Variants in F7 observed in about 807,000 individuals in gnomAD.
F7 encodes FVII coagulation protein.
F7 carries 38 observed loss-of-function variants against 47.5 expected under a neutral mutation model. The observed-to-expected ratio is 0.80, with a 90% confidence interval of 0.62 to 1.05. F7 has a LOEUF of 1.05. Among genes scored for constraint, F7 ranks in the 50% least tolerant of loss-of-function variants. The pLI is 0.00. For synonymous variants in F7, 244 were observed against 258.5 expected (o/e 0.94, Z 0.54); for missense variants, 575 against 605.4 (o/e 0.95, Z 0.53).
rs1029001487 is a variant in F7, at chr13:113,119,232, A to C, written c.*224A>C. The C allele has an allele frequency of 6.8e-6, 4 of 590,678 alleles. No homozygotes were observed. In the East Asian group the frequency reaches 1.1e-4, roughly 17 times the overall value. The allele number at this position is 590,678 out of a possible 1,614,324, so 36.6% of individuals were successfully genotyped here. A position where few individuals can be genotyped will look rare whatever the true frequency, so the allele number is the denominator to read the frequency against. On this transcript the variant is annotated 3_prime_UTR_variant, in exon 8 of 8. Coordinates refer to ENST00000346342, the MANE Select transcript of F7 (RefSeq NM_019616.4). ...GAGACTCAAAGAGACTCCAAGATTC[A>C]AAGAGACTAATAGAGACACAGAGAT...
At chr13:113,106,011 T>C in intron 1 of F7, 106 bp downstream of exon 1, 3 of 987,444 alleles carry the variant, frequency 3.0e-6, no homozygotes, top group Non-Finnish European at 4.4e-6. Context: ...GACACCCCCA[T>C]CCACCAGGAG....
Position 113,118,201 on chromosome 13 carries a change from C to T in F7, c.740-212C>T, listed in dbSNP as rs544499363. 4.6e-5 allele frequency among the ~76,000 whole-genome samples: 7 copies of T among 152,332 alleles called. No homozygotes were observed. The South Asian group carries it at 1.4e-3, about 32-fold the overall frequency. ...CCTTCCCCACCTCAACACCCAGACC[C>T]CAGATTCACCCCAGTTCACTTGTCC... On this transcript the variant is annotated intron_variant, in intron 7 of 7. Coordinates refer to ENST00000346342, the MANE Select transcript of F7 (RefSeq NM_019616.4).
chr13:113,117,400 TGCCC>T, intron 6 of F7, 69 bp from the exon 7 acceptor site: 2 of 1,600,226 alleles, frequency 1.2e-6, no homozygotes, highest in Non-Finnish European at 1.7e-6. Context: ...TTCCTTGGCA[TGCCC>T]GGGAGGGCGA....
rs775527313 is a variant in F7, at chr13:113,118,844, C to T, written c.1171C>T (p.Arg391Trp). ...TGGAGGCCCACATGCCACCCACTACCGGGGCACGTGGTACCTGACGGGCAT... is the reference window on the plus strand; with the variant it reads ...TGGAGGCCCACATGCCACCCACTACTGGGGCACGTGGTACCTGACGGGCAT... ...DSGGPHATHY[R>W]GTWYLTGIVS... The change falls in exon 8 of 8, where the codon CGG becomes TGG. Residue 391 changes from arginine to tryptophan, a missense_variant. Arg to Trp is a moderately radical substitution (Grantham distance 101, BLOSUM62 -3). Transcript: ENST00000346342. The T allele has an allele frequency of 1.7e-5, 28 of 1,612,746 alleles. No homozygotes were observed. The highest frequency in any genetic ancestry group is 4.0e-5 in the African/African-American group (3 of 74,932).
Position 113,110,987 on chromosome 13 carries a change from C to T in F7, c.225+137C>T. 5 of 1,034,014 alleles carry T rather than the reference C, an allele frequency of 4.8e-6. No homozygotes were observed. In the South Asian group the frequency reaches 7.5e-5, roughly 15 times the overall value. 64.1% of individuals were successfully genotyped at this position (1,034,014 alleles called of 1,614,324 possible). A position where few individuals can be genotyped will look rare whatever the true frequency, so the allele number is the denominator to read the frequency against. On this transcript the variant is annotated intron_variant, in intron 2 of 7. Transcript: ENST00000346342. ...AGCGGCGCCCGCGCGGCGCTTTCTG[C>T]GGGGGTCGCTTTCCGCCCGGGGTGA...
intron 1 of F7, among the ~76,000 whole-genome samples, chr13:113,107,916 CA>C (rs1383667845): frequency 2.0e-4 from 18 of 90,328 alleles, no homozygotes; most frequent in African/African-American, 6.6e-4. Flanking sequence ...GTGAGTGTCC[CA>C]GGGGCGTGGG....
Position 113,113,742 on chromosome 13 carries a change from G to T in F7, c.226-10G>T, listed in dbSNP as rs941222732. ...TGCATCTCACGAGGCTTGCTCTCTT[G>T]TTCCTTCAGAAGCTGTTCTGGATTT... On this transcript the variant is annotated splice_polypyrimidine_tract_variant and intron_variant, in intron 2 of 7. Coordinates refer to ENST00000346342, the MANE Select transcript of F7 (RefSeq NM_019616.4). This position sits in a 1 kb window ranked among gnomAD's most constrained non-coding sequence, Gnocchi z 4.1. The T allele has an allele frequency of 1.9e-6, 3 of 1,613,990 alleles. No individual in the cohort carries two copies. In the African/African-American group the frequency reaches 4.0e-5, roughly 22 times the overall value.
chr13:113,117,999 G>A (rs144568037), intron 7 of F7, among the ~76,000 whole-genome samples: 333 of 152,342 alleles, frequency 2.2e-3, no homozygotes, highest in African/African-American at 7.7e-3. Flanking sequence ...TGCCTCACTT[G>A]ACCAAGAGCC....
intron 2 of F7, 121 bp downstream of exon 2, chr13:113,110,971 C>T (rs892974755): frequency 1.3e-5 from 15 of 1,181,464 alleles, no homozygotes; most frequent in Middle Eastern, 2.9e-4. Context: ...CAGCGGCGCC[C>T]GCGCGGCGCT....
chr13:113,106,012 C>T (rs921506022), intron 1 of F7, 107 bp downstream of exon 1: 2 of 961,982 alleles, frequency 2.1e-6, no homozygotes, highest in Non-Finnish European at 3.0e-6. Context: ...ACACCCCCAT[C>T]CACCAGGAGG....
At chr13:113,117,296 G>A (rs947431055) in intron 6 of F7, among the ~76,000 whole-genome samples, 177 bp from the exon 7 acceptor site, 1 of 152,240 alleles carries the variant, frequency 6.6e-6, no homozygotes, top group African/African-American at 2.4e-5. Context: ...CTAGAGAGGG[G>A]CACAGCCTCC....
chr13:113,120,551 G>T lies in F7; in HGVS notation c.*1543G>T, dbSNP rs2036285692. ...CACCATTGGCACTCACAGCAGCAAG[G>T]CAGGCACCAGCAACCCACCTCGGGG... On this transcript the variant is annotated 3_prime_UTR_variant, in exon 8 of 8. Transcript: ENST00000346342. The T allele has an allele frequency of 6.4e-6, 1 of 156,322 alleles. No homozygotes were observed. Among genetic ancestry groups the T allele is most frequent in the Non-Finnish European group, 1.4e-5 (1 of 70,998 alleles). 9.7% of individuals were successfully genotyped at this position (156,322 alleles called of 1,614,324 possible). A position where few individuals can be genotyped will look rare whatever the true frequency, so the allele number is the denominator to read the frequency against.
chr13:113,106,905 A>G (rs2035971875), intron 1 of F7: 8 of 1,604,064 alleles, frequency 5.0e-6, no homozygotes, highest in African/African-American at 1.3e-5. Flanking sequence ...CCGGGGCCTC[A>G]CAGAGGTGAG....
Position 113,118,530 on chromosome 13 carries a change from T to A in F7, c.857T>A (p.Leu286Gln). The A allele has an allele frequency of 6.2e-7, 1 of 1,612,176 alleles. No individual in the cohort carries two copies. Among genetic ancestry groups the A allele is most frequent in the Non-Finnish European group, 8.5e-7 (1 of 1,179,910 alleles). ...AACCACGACATCGCGCTGCTCCGCC[T>A]GCACCAGCCCGTGGTCCTCACTGAC... ...TTNHDIALLR[L>Q]HQPVVLTDHV... The change falls in exon 8 of 8, where the codon CTG becomes CAG. Residue 286 changes from leucine to glutamine, a missense_variant. Leu to Gln is a moderately radical substitution (Grantham distance 113). Coordinates refer to ENST00000346342, the MANE Select transcript of F7 (RefSeq NM_019616.4).
Position 113,113,757 on chromosome 13 carries a change from G to C in F7, c.231G>C (p.Leu77=). ...TTGCTCTCTTGTTCCTTCAGAAGCTGTTCTGGATTTCTTACAGTGGTGAGT... is the reference window on the plus strand; with the variant it reads ...TTGCTCTCTTGTTCCTTCAGAAGCTCTTCTGGATTTCTTACAGTGGTGAGT... ...EIFKDAERTK[L]FWISYSDGDQ... is the part of the protein sequence containing the mutation. Residue 77 remains leucine (L), a synonymous_variant, in exon 3 of 8, where the codon CTG becomes CTC. Transcript: ENST00000346342. The surrounding 1 kb of genome is among the most constrained non-coding windows in gnomAD (Gnocchi z 4.1). 1 of 1,614,212 alleles carries C rather than the reference G, an allele frequency of 6.2e-7. No homozygotes were observed. The highest frequency in any genetic ancestry group is 1.3e-5 in the African/African-American group (1 of 75,058).
intron 4 of F7, among the ~76,000 whole-genome samples, chr13:113,115,099 G>A (rs912299008): frequency 2.0e-5 from 3 of 152,188 alleles, no homozygotes; most frequent in South Asian, 2.1e-4. Flanking sequence ...CCTTCCCGCC[G>A]GAGTCCTGGA....
In F7 at chr13:113,116,854, C is replaced by T; in HGVS notation, c.594C>T (p.Pro198=). ...GAATTGTGGGGGGCAAGGTGTGCCC[C>T]AAAGGGGAGTGTCCATGGCAGGTAA... ...QGRIVGGKVC[P]KGECPWQVLL... The change falls in exon 6 of 8, where the codon CCC becomes CCT. Residue 198 remains proline (P), a synonymous_variant. Coordinates refer to ENST00000346342, the MANE Select transcript of F7 (RefSeq NM_019616.4). 1.2e-6 allele frequency: 2 copies of T among 1,613,648 alleles called. No homozygotes were observed. Among genetic ancestry groups the T allele is most frequent in the South Asian group, 2.2e-5 (2 of 91,084 alleles).
intron 5 of F7, among the ~76,000 whole-genome samples, chr13:113,116,347 C>G (rs2036192083): frequency 6.6e-6 from 1 of 152,220 alleles, no homozygotes; most frequent in Non-Finnish European, 1.5e-5. Context: ...CTTTCTGGCC[C>G]AAGACCTTGA....
chr13:113,111,682 C>T (rs552259164), intron 2 of F7, among the ~76,000 whole-genome samples: 1,375 of 86,456 alleles, frequency 0.016, 46 homozygotes, highest in African/African-American at 0.067. Context: ...ACACCTCACA[C>T]GGGGCACACT....
Sources: allele counts gnomAD v4.1 joint callset (sites outside exome capture counted in the v4.1 genomes callset), GRCh38; gene constraint gnomAD v4.1.1; non-coding constraint Gnocchi (gnomAD v3.1); transcripts MANE v1.5; gene names NCBI Gene and HGNC (gene_info 2026-07-23, HGNC 2026-07-21).